The following ANK3 variants were observed in gnomAD, a reference collection of about 807,000 sequenced individuals.
ANK3 encodes ankyrin-3.
In ANK3, 57 loss-of-function variants were observed where a neutral mutation model predicts 370.9. The observed-to-expected ratio is 0.15, with a 90% CI of 0.12 to 0.19. The LOEUF is 0.19. Ranked by LOEUF, ANK3 falls within the 10% of genes least tolerant of loss-of-function variation. The pLI, the probability that ANK3 is intolerant of heterozygous loss-of-function variation, is 1.00. For missense variants in ANK3, 4,439 were observed against 5,302.1 expected (o/e 0.84, Z 5.06); for synonymous variants, 1,929 against 1,946.3 (o/e 0.99, Z 0.23).
chr10:60,646,748 T>A (rs1243064752), intron 1 of ANK3, among the ~76,000 whole-genome samples: 3 of 152,096 alleles, frequency 2.0e-5, no homozygotes, highest in Non-Finnish European at 4.4e-5. Flanking sequence ...TATTAAGCAG[T>A]TACTGCTGGA....
At chr10:60,250,557 GA>G (rs1314849513) in intron 7 of ANK3, among the ~76,000 whole-genome samples, 9 of 152,132 alleles carry the variant, frequency 5.9e-5, no homozygotes, top group Non-Finnish European at 8.8e-5. Flanking sequence ...AGTAGAGACG[GA>G]GTTTCACCAT....
chr10:60,637,378 G>A (rs1174732316), intron 1 of ANK3, among the ~76,000 whole-genome samples: 3 of 152,164 alleles, frequency 2.0e-5, no homozygotes, highest in South Asian at 4.1e-4. Flanking sequence ...TTCACTTAAA[G>A]AAGAAAATAG....
intron 2 of ANK3, among the ~76,000 whole-genome samples, chr10:60,503,701 C>T (rs1013557500): frequency 1.3e-5 from 2 of 152,114 alleles, no homozygotes; most frequent in Non-Finnish European, 2.9e-5. Context: ...AGGCAATAAT[C>T]CCAAGATATC....
intron 1 of ANK3, among the ~76,000 whole-genome samples, chr10:60,666,806 C>T (rs1160797701): frequency 6.6e-6 from 1 of 152,098 alleles, no homozygotes; most frequent in Admixed American, 6.6e-5. Context: ...TTCAGGGTGC[C>T]TAAAACTGCA....
intron 1 of ANK3, among the ~76,000 whole-genome samples, chr10:60,723,257 G>A (rs1201193841): frequency 6.6e-6 from 1 of 152,128 alleles, no homozygotes; most frequent in East Asian, 1.9e-4. Flanking sequence ...TTGCACTCTG[G>A]ACATTCTTTG....
intron 2 of ANK3, among the ~76,000 whole-genome samples, chr10:60,461,929 G>A (rs564208965): frequency 6.6e-6 from 1 of 152,182 alleles, no homozygotes; most frequent in Non-Finnish European, 1.5e-5. Context: ...TCTGTACAAT[G>A]CTGCTTAGAT....
intron 39 of ANK3, among the ~76,000 whole-genome samples, chr10:60,063,661 T>G (rs1181499572): frequency 6.6e-6 from 1 of 152,220 alleles, no homozygotes; most frequent in Non-Finnish European, 1.5e-5. Flanking sequence ...CACATTGTTG[T>G]GGGTTGGCAC....
intron 1 of ANK3, among the ~76,000 whole-genome samples, chr10:60,632,384 T>A (rs2078496249): frequency 2.0e-5 from 3 of 152,012 alleles, no homozygotes; most frequent in Non-Finnish European, 4.4e-5. Context: ...AAATCTTGAC[T>A]GTTAGCAAAA....
intron 1 of ANK3, among the ~76,000 whole-genome samples, chr10:60,681,023 C>A (rs77826325): frequency 6.6e-6 from 1 of 152,166 alleles, no homozygotes; most frequent in Non-Finnish European, 1.5e-5. Context: ...TTGGCACTCT[C>A]TAACTCAGGG....
intron 7 of ANK3, among the ~76,000 whole-genome samples, chr10:60,250,952 A>G (rs569957669): frequency 6.6e-6 from 1 of 152,264 alleles, no homozygotes; most frequent in Admixed American, 6.5e-5. Flanking sequence ...CCAAACACAC[A>G]TTGCCTTTGA....
chr10:60,428,741 C>T (rs538678700), intron 2 of ANK3, among the ~76,000 whole-genome samples: 22 of 152,238 alleles, frequency 1.4e-4, no homozygotes, highest in African/African-American at 3.6e-4. Context: ...AGGTAATTTC[C>T]AACAAGGTTT....
chr10:60,086,983 C>A (rs572965797), intron 29 of ANK3, 99 bp from the exon 30 acceptor site: 986 of 164,172 alleles, frequency 6.0e-3, no homozygotes, highest in Middle Eastern at 0.016. Context: ...AAAACAAAAA[C>A]AGACAACCAA....
intron 2 of ANK3, among the ~76,000 whole-genome samples, chr10:60,488,464 T>C (rs2075406671): frequency 6.6e-6 from 1 of 152,202 alleles, no homozygotes; most frequent in Non-Finnish European, 1.5e-5. Context: ...TAAATTTCAA[T>C]AGTTTTAGTA....
intron 1 of ANK3, among the ~76,000 whole-genome samples, chr10:60,694,490 C>T (rs774079009): frequency 6.6e-6 from 1 of 151,984 alleles, no homozygotes; most frequent in Admixed American, 6.6e-5. Flanking sequence ...TTAAGGGCAG[C>T]CAGAGAGAAA....
intron 28 of ANK3, among the ~76,000 whole-genome samples, chr10:60,104,375 A>G (rs1201045148): frequency 8.7e-6 from 1 of 115,176 alleles, no homozygotes; most frequent in Non-Finnish European, 1.8e-5. Flanking sequence ...AAAAAAAAAA[A>G]AAAAAAAAAA....
At chr10:60,248,944 T>C (rs1839858686) in intron 7 of ANK3, among the ~76,000 whole-genome samples, 1 of 152,190 alleles carries the variant, frequency 6.6e-6, no homozygotes, top group South Asian at 2.1e-4. Context: ...CGAGAAACAA[T>C]TTCCAGCCAA....
At chr10:60,626,983 C>A (rs2078420017) in intron 1 of ANK3, among the ~76,000 whole-genome samples, 2 of 152,002 alleles carry the variant, frequency 1.3e-5, no homozygotes, top group African/African-American at 2.4e-5. Context: ...AAATAAAAAA[C>A]CCTGGAAAAG....
chr10:60,570,333 G>A (rs1013741011), intron 2 of ANK3, among the ~76,000 whole-genome samples: 4 of 152,188 alleles, frequency 2.6e-5, no homozygotes, highest in East Asian at 3.9e-4. Flanking sequence ...TGTCCAGACA[G>A]TATAAGGTGC....
At chr10:60,348,776 A>G (rs183818568) in intron 1 of ANK3, among the ~76,000 whole-genome samples, 169 of 152,376 alleles carry the variant, frequency 1.1e-3, no homozygotes, top group African/African-American at 3.7e-3. Context: ...AAGCCACACA[A>G]GAAATCAATT....
Sources: allele counts gnomAD v4.1 joint callset (sites outside exome capture counted in the v4.1 genomes callset), GRCh38; gene constraint gnomAD v4.1.1; transcripts MANE v1.5; gene names NCBI Gene and HGNC (gene_info 2026-07-23, HGNC 2026-07-21).